RSRC1: variants seen among roughly 807,000 people sequenced by gnomAD.
The protein encoded by RSRC1 is serine/Arginine-related protein 53.
Under a neutral mutation model 49.1 loss-of-function variants are expected in RSRC1, and 39 were observed. That is an observed-to-expected ratio of 0.79 (90% CI 0.61 to 1.04). The LOEUF (loss-of-function observed/expected upper bound fraction) is 1.04. Among genes scored for constraint, RSRC1 ranks in the 50% least tolerant of loss-of-function variants. The pLI is 0.00. For synonymous variants in RSRC1, 143 were observed against 130.8 expected, an observed-to-expected ratio of 1.09 and a Z score of -0.63; for missense variants, 388 against 402.4, an observed-to-expected ratio of 0.96 and a Z score of 0.31.
intron 3 of RSRC1, among the ~76,000 whole-genome samples, chr3:158,150,569 A>T (rs1052774537): frequency 6.6e-6 from 1 of 152,154 alleles, no homozygotes; most frequent in African/African-American, 2.4e-5. Flanking sequence ...TATTGAGCTT[A>T]TATTAATATT....
At chr3:158,530,713 T>C (rs968766068) in intron 7 of RSRC1, among the ~76,000 whole-genome samples, 7 of 151,690 alleles carry the variant, frequency 4.6e-5, no homozygotes, top group African/African-American at 1.2e-4. Context: ...ACCAACACTC[T>C]TGAACCACTT....
At chr3:158,296,345 C>A (rs1449271296) in intron 4 of RSRC1, among the ~76,000 whole-genome samples, 1 of 151,866 alleles carries the variant, frequency 6.6e-6, no homozygotes, top group Non-Finnish European at 1.5e-5. Context: ...TACACACATA[C>A]ACACACACGA....
intron 6 of RSRC1, among the ~76,000 whole-genome samples, chr3:158,378,057 T>C (rs1235046778): frequency 2.0e-5 from 3 of 152,214 alleles, no homozygotes; most frequent in Non-Finnish European, 2.9e-5. Context: ...GGTTGGATCA[T>C]CTCTATCGCT....
At chr3:158,495,888 G>A (rs1739298302) in intron 7 of RSRC1, among the ~76,000 whole-genome samples, 1 of 152,118 alleles carries the variant, frequency 6.6e-6, no homozygotes, top group Admixed American at 6.5e-5. Context: ...TGCCCTTTAC[G>A]GCAAAAGTTT....
chr3:158,364,308 G>A (rs536983658), intron 6 of RSRC1, among the ~76,000 whole-genome samples: 9 of 152,186 alleles, frequency 5.9e-5, no homozygotes, highest in African/African-American at 2.2e-4. Context: ...CTATGGCTCC[G>A]AGAAATAGTA....
chr3:158,490,285 C>T (rs1739024733), intron 7 of RSRC1, among the ~76,000 whole-genome samples: 1 of 152,138 alleles, frequency 6.6e-6, no homozygotes, highest in African/African-American at 2.4e-5. Flanking sequence ...GGGGTTTCAC[C>T]ACGTTAGCCA....
At chr3:158,428,692 G>A (rs1735600146) in intron 6 of RSRC1, among the ~76,000 whole-genome samples, 1 of 151,872 alleles carries the variant, frequency 6.6e-6, no homozygotes, top group South Asian at 2.1e-4. Context: ...GCCTCCCTGT[G>A]TGGCAAAGGC....
chr3:158,476,557 G>T (rs1738377198), intron 7 of RSRC1, among the ~76,000 whole-genome samples: 1 of 152,082 alleles, frequency 6.6e-6, no homozygotes, highest in Non-Finnish European at 1.5e-5. Context: ...AACCACCTGT[G>T]CCTGTCCTCT....
intron 6 of RSRC1, among the ~76,000 whole-genome samples, chr3:158,380,724 A>T (rs1054227403): frequency 1.1e-4 from 17 of 152,212 alleles, no homozygotes; most frequent in African/African-American, 4.1e-4. Context: ...TGATGACTTA[A>T]AAAAAATTAA....
chr3:158,287,452 A>G (rs922210651), intron 4 of RSRC1, among the ~76,000 whole-genome samples: 2 of 152,126 alleles, frequency 1.3e-5, no homozygotes, highest in African/African-American at 4.8e-5. Context: ...TCAGTTCTCC[A>G]AGTGAAATAA....
At position 158,439,506 on chromosome 3, in the gene RSRC1, C is replaced by G. The variant is rs575528015; in HGVS notation, c.584-21429C>G. On this transcript the variant is annotated intron_variant, in intron 6 of 9. Coordinates refer to ENST00000611884, the MANE Select transcript of RSRC1 (RefSeq NM_001271838.2). Reference sequence around the variant, plus strand: ...GCCATAAAAAAGGAGGAGTTCATGTCCTTTGTAGGGACATGGATGAAGCTG... The same window carrying G: ...GCCATAAAAAAGGAGGAGTTCATGTGCTTTGTAGGGACATGGATGAAGCTG... Among the ~76,000 whole-genome samples, 251 of 152,176 alleles carry G rather than the reference C, an allele frequency of 1.6e-3. 2 individuals carry two copies. Among genetic ancestry groups the G allele is most frequent in the African/African-American group, 5.8e-3 (241 of 41,498 alleles).
At chr3:158,525,602 A>T (rs919356399) in intron 7 of RSRC1, among the ~76,000 whole-genome samples, 8 of 152,030 alleles carry the variant, frequency 5.3e-5, no homozygotes, top group Non-Finnish European at 1.2e-4. Flanking sequence ...AAAGAGTTGT[A>T]CATGAATGTT....
intron 5 of RSRC1, among the ~76,000 whole-genome samples, chr3:158,333,086 A>G (rs1287108741): frequency 6.6e-6 from 1 of 151,228 alleles, no homozygotes; most frequent in African/African-American, 2.4e-5. Flanking sequence ...CGCCTGCCTC[A>G]GCCTCCCAAG....
chr3:158,380,382 C>G (rs1301689607), intron 6 of RSRC1, among the ~76,000 whole-genome samples: 1 of 152,068 alleles, frequency 6.6e-6, no homozygotes, highest in Non-Finnish European at 1.5e-5. Context: ...ATTACTTGAG[C>G]CCAGGAGTTC....
At chr3:158,401,851 A>G (rs1733908493) in intron 6 of RSRC1, among the ~76,000 whole-genome samples, 1 of 152,028 alleles carries the variant, frequency 6.6e-6, no homozygotes, top group Admixed American at 6.6e-5. Flanking sequence ...TTTTAATTTA[A>G]TTTAAATTTA....
chr3:158,316,723 C>T (rs1182232497), intron 5 of RSRC1, among the ~76,000 whole-genome samples: 3 of 152,050 alleles, frequency 2.0e-5, no homozygotes, highest in Non-Finnish European at 4.4e-5. Flanking sequence ...GGATTACAGG[C>T]GTGAGCCAAC....
intron 5 of RSRC1, among the ~76,000 whole-genome samples, chr3:158,316,108 G>A (rs552708536): frequency 6.6e-6 from 1 of 151,780 alleles, no homozygotes; most frequent in Non-Finnish European, 1.5e-5. Context: ...GGAGGTGGAG[G>A]TTGCAGTGAG....
chr3:158,544,519 TAAA>T lies in RSRC1; in HGVS notation c.*245_*247del, dbSNP rs565241174. ...GTTATACTGTTAATAAAGCTAAACA[TAAA>T]TAAGTCTGTTAAAATGAATGGTAGA... On this transcript the variant is annotated 3_prime_UTR_variant, in exon 10 of 10. Transcript: ENST00000611884. 194 of 270,692 alleles carry T rather than the reference TAAA, an allele frequency of 7.2e-4. 1 individual carries two copies. The South Asian group carries it at 0.011, about 15-fold the overall frequency. 16.8% of individuals were successfully genotyped at this position (270,692 alleles called of 1,614,324 possible).
At chr3:158,176,926 A>G (rs1719257081) in intron 3 of RSRC1, among the ~76,000 whole-genome samples, 1 of 152,216 alleles carries the variant, frequency 6.6e-6, no homozygotes, top group Non-Finnish European at 1.5e-5. Flanking sequence ...CAGAATCTAC[A>G]AAGAACTTAA....
Sources: allele counts gnomAD v4.1 joint callset (sites outside exome capture counted in the v4.1 genomes callset), GRCh38; gene constraint gnomAD v4.1.1; transcripts MANE v1.5; gene names NCBI Gene and HGNC (gene_info 2026-07-23, HGNC 2026-07-21).